RREB1: variants seen among roughly 807,000 people sequenced by gnomAD.
The protein encoded by RREB1 is ras responsive element binding protein 1.
In RREB1, 27 loss-of-function variants were observed where a neutral mutation model predicts 117.8. The observed-to-expected ratio is 0.23, with a 90% CI of 0.17 to 0.32. RREB1 has a LOEUF of 0.32. Ranked by LOEUF, RREB1 falls within the 10% of genes least tolerant of loss-of-function variation. The pLI, the probability that RREB1 is intolerant of heterozygous loss-of-function variation, is 1.00. For missense variants in RREB1, 2,577 were observed against 2,378.2 expected (o/e 1.08, Z -1.74); for synonymous variants, 1,298 against 1,026.7 (o/e 1.26, Z -5.05).
intron 10 of RREB1, among the ~76,000 whole-genome samples, chr6:7,232,765 T>TTC (rs1768079247): frequency 6.9e-6 from 1 of 145,548 alleles, no homozygotes; most frequent in Admixed American, 6.9e-5. Context: ...TTCTTTTTCT[T>TTC]TTTTTTTTTT....
intron 1 of RREB1, among the ~76,000 whole-genome samples, chr6:7,127,842 G>C (rs1317040784): frequency 6.6e-6 from 1 of 152,088 alleles, no homozygotes; most frequent in Non-Finnish European, 1.5e-5. Context: ...TCTGGGTCAC[G>C]ACTCTGCCCC....
chr6:7,181,826 G>A (rs1278849089), intron 3 of RREB1, 44 bp from the exon 4 acceptor site: 5 of 1,422,160 alleles, frequency 3.5e-6, no homozygotes, highest in Middle Eastern at 1.7e-4. Context: ...AATGACAGAA[G>A]CCTAAACTTC....
intron 1 of RREB1, among the ~76,000 whole-genome samples, chr6:7,139,687 AAAC>A (rs1457262307): frequency 2.0e-5 from 3 of 152,244 alleles, no homozygotes; most frequent in Admixed American, 1.3e-4. Context: ...AGTTCTGTAA[AAAC>A]AAAATCTGTA....
chr6:7,185,946 G>A (rs547856506), intron 4 of RREB1, among the ~76,000 whole-genome samples: 8 of 152,284 alleles, frequency 5.3e-5, no homozygotes, highest in African/African-American at 1.9e-4. Flanking sequence ...CCAGAAAATG[G>A]GATCCATAAT....
Position 7,246,483 on chromosome 6 carries a change from C to T in RREB1, c.4033C>T (p.Arg1345Trp). 1.9e-6 allele frequency: 3 copies of T among 1,540,258 alleles called. No homozygotes were observed. Among genetic ancestry groups the T allele is most frequent in the South Asian group, 1.2e-5 (1 of 83,570 alleles). The change falls in exon 12 of 13, where the codon CGG becomes TGG. Residue 1345 changes from arginine (R) to tryptophan (W), a missense_variant. By Grantham distance (101) the Arg-to-Trp change is moderately radical. Coordinates refer to ENST00000379938, the MANE Select transcript of RREB1 (RefSeq NM_001003699.4). ...AAGEVLDLTS[R>W]DREQPSEGAT... Reference sequence around the variant, plus strand: ...GGGCGAAGTGCTAGACCTCACCTCACGGGACAGAGAGCAGCCGTCGGAGGG... The same window carrying T: ...GGGCGAAGTGCTAGACCTCACCTCATGGGACAGAGAGCAGCCGTCGGAGGG...
chr6:7,153,124 TTTGAGGAAAA>T (rs1278180107), intron 1 of RREB1, among the ~76,000 whole-genome samples: 1 of 151,668 alleles, frequency 6.6e-6, no homozygotes, highest in African/African-American at 2.4e-5. Flanking sequence ...TTTTTTTTTT[TTTGAGGAAAA>T]TATTTTTAAT....
At chr6:7,201,524 C>T (rs1157272868) in intron 6 of RREB1, among the ~76,000 whole-genome samples, 1 of 148,700 alleles carries the variant, frequency 6.7e-6, no homozygotes, top group African/African-American at 2.5e-5. Flanking sequence ...TCCCACCCTC[C>T]CCACTGAAAC....
rs372031902 is a variant in RREB1 at position 7,194,650 on chromosome 6, C to T, written c.425+5328C>T. 1.3e-3 allele frequency among the ~76,000 whole-genome samples: 201 copies of T among 152,290 alleles called. 1 individual carries two copies. The highest frequency in any genetic ancestry group is 4.5e-3 in the African/African-American group (188 of 41,556). ...GAGAGGACTAAATTGGGGCTAAGTT[C>T]TAATCTTAGTTCTGCAGAACTTTGT... On this transcript the variant is annotated intron_variant, in intron 6 of 12. Transcript: ENST00000379938.
intron 8 of RREB1, among the ~76,000 whole-genome samples, chr6:7,222,812 A>G (rs1159908752): frequency 1.3e-5 from 2 of 151,674 alleles, no homozygotes; most frequent in African/African-American, 4.8e-5. Flanking sequence ...AAAAAAAATC[A>G]CTACAACCAT....
chr6:7,107,818 G>T (rs376543432), upstream of RREB1: 18 of 153,542 alleles, frequency 1.2e-4, 1 homozygote, highest in South Asian at 3.0e-3. Flanking sequence ...GAAGCTGGGC[G>T]GGGGGCCGAG....
chr6:7,109,396 A>T (rs2113266439), intron 1 of RREB1, among the ~76,000 whole-genome samples: 1 of 151,992 alleles, frequency 6.6e-6, no homozygotes, highest in Admixed American at 6.5e-5. Flanking sequence ...CCTCCCTGGG[A>T]AGCGGCGTGT....
At chr6:7,126,046 A>G (rs547665627) in intron 1 of RREB1, among the ~76,000 whole-genome samples, 100 of 152,096 alleles carry the variant, frequency 6.6e-4, no homozygotes, top group African/African-American at 2.0e-3. Flanking sequence ...CTGTCGCCCA[A>G]GCTGGAGTGC....
At chr6:7,134,893 A>T (rs905674028) in intron 1 of RREB1, among the ~76,000 whole-genome samples, 6 of 152,220 alleles carry the variant, frequency 3.9e-5, no homozygotes, top group African/African-American at 7.2e-5. Context: ...AGTTAGGAAG[A>T]TATATTTTCT....
At chr6:7,167,788 C>T (rs1057083963) in intron 1 of RREB1, among the ~76,000 whole-genome samples, 1 of 152,178 alleles carries the variant, frequency 6.6e-6, no homozygotes, top group African/African-American at 2.4e-5. Flanking sequence ...GCATCAGTAG[C>T]TCGCATGCTG....
At chr6:7,125,387 A>G (rs954188609) in intron 1 of RREB1, among the ~76,000 whole-genome samples, 10 of 152,220 alleles carry the variant, frequency 6.6e-5, no homozygotes, top group African/African-American at 2.2e-4. Context: ...GAAATGTCCC[A>G]GAAGTGGAAG....
rs1199552471 is a variant in RREB1, at chr6:7,211,350, GGATGGATGGATGGA to G, written c.571-222_571-209del. On this transcript the variant is annotated intron_variant, in intron 7 of 12. Coordinates refer to ENST00000379938, the MANE Select transcript of RREB1 (RefSeq NM_001003699.4). ...TGGATGGATGGACAGATGGATGGAT[GGATGGATGGATGGA>G]TGGATGGATGGATGGATGGATGGAT... Among the ~76,000 whole-genome samples the G allele has an allele frequency of 8.3e-3, 1,192 of 143,836 alleles. 19 individuals carry two copies. The highest frequency in any genetic ancestry group is 0.032 in the African/African-American group (1,111 of 34,550). The allele number at this position is 143,836 out of a possible 152,430, so 94.4% of individuals were successfully genotyped here.
At chr6:7,178,735 G>T in intron 2 of RREB1, among the ~76,000 whole-genome samples, 1 of 152,164 alleles carries the variant, frequency 6.6e-6, no homozygotes, top group East Asian at 1.9e-4. Context: ...TCAGATTAGA[G>T]ATGAGTCTCT....
Position 7,231,582 on chromosome 6 carries a change from C to G in RREB1, c.3483C>G (p.Ser1161Arg), listed in dbSNP as rs1447166488. The G allele has an allele frequency of 8.1e-6, 13 of 1,611,072 alleles. No homozygotes were observed. The highest frequency in any genetic ancestry group is 1.3e-5 in the African/African-American group (1 of 74,846). Residue 1161 changes from serine (S) to arginine (R), a missense_variant, in exon 10 of 13, where the codon AGC becomes AGG. By Grantham distance (110) the Ser-to-Arg change is moderately radical (BLOSUM62 -1). Coordinates refer to ENST00000379938, the MANE Select transcript of RREB1 (RefSeq NM_001003699.4). ...KKRGRKRGMR[S>R]RPRANSGGVD... is the part of the protein sequence containing the mutation. ...GGGGCCGGAAAAGGGGGATGAGGAG[C>G]CGACCCCGCGCCAACAGCGGCGGGG...
intron 1 of RREB1, among the ~76,000 whole-genome samples, chr6:7,167,631 G>A (rs1764015227): frequency 6.6e-6 from 1 of 152,100 alleles, no homozygotes; most frequent in Non-Finnish European, 1.5e-5. Context: ...GCTCCCGGCC[G>A]GGGACAGGAA....
Sources: gnomAD v4.1 joint callset for allele counts (sites outside exome capture counted in the v4.1 genomes callset) on GRCh38, gnomAD v4.1.1 for gene constraint, MANE v1.5 for transcripts, NCBI Gene and HGNC (gene_info 2026-07-23, HGNC 2026-07-21) for gene names.